The following TEX9 variants were observed in gnomAD, a reference collection of about 807,000 sequenced individuals.
TEX9 encodes testis expressed 9.
TEX9 carries 74 observed loss-of-function variants against 59.6 expected under a neutral mutation model. The ratio of observed to expected loss-of-function variants is 1.24; its 90% CI spans 1.03 to 1.51. The LOEUF is 1.51. TEX9 is among the 40% of genes most tolerant of loss of function. The pLI is 0.00. For missense variants in TEX9, 522 were observed against 447.8 expected (o/e 1.17, Z -1.49); for synonymous variants, 186 against 152.2 (o/e 1.22, Z -1.64).
intron 12 of TEX9, among the ~76,000 whole-genome samples, chr15:56,433,255 C>CG (rs572493916): frequency 1.4e-4 from 2 of 14,008 alleles, no homozygotes; most frequent in Non-Finnish European, 1.6e-4. Context: ...CAGGGCCTGT[C>CG]GGGGGGTGGG....
intron 1 of TEX9, among the ~76,000 whole-genome samples, chr15:56,332,100 C>T (rs1408253821): frequency 1.6e-5 from 2 of 128,726 alleles, no homozygotes; most frequent in African/African-American, 5.8e-5. Context: ...TACCATTTGA[C>T]CCAGCCATCC....
At chr15:56,339,405 A>AAAAAAAAAAAAAAAAG (rs1567091424) in intron 1 of TEX9, among the ~76,000 whole-genome samples, 1 of 115,694 alleles carries the variant, frequency 8.6e-6, no homozygotes, top group Admixed American at 9.8e-5. Flanking sequence ...AAAAAAAAAA[A>AAAAAAAAAAAAAAAAG]AAAAAAAAAC....
intron 11 of TEX9, 93 bp from the exon 12 acceptor site, chr15:56,428,274 C>A: frequency 2.4e-6 from 2 of 844,442 alleles, no homozygotes; most frequent in Non-Finnish European, 3.9e-6. Flanking sequence ...TATATTCTGA[C>A]AATATATTAT....
At chr15:56,357,644 T>C (rs1345082766) in intron 1 of TEX9, among the ~76,000 whole-genome samples, 2 of 152,158 alleles carry the variant, frequency 1.3e-5, no homozygotes, top group Non-Finnish European at 2.9e-5. Context: ...TTTTCAGATA[T>C]GTTATGGTTT....
rs149459449 is a variant in TEX9, at chr15:56,416,533, C to G, written c.963+4097C>G. On this transcript the variant is annotated intron_variant, in intron 10 of 12. Coordinates refer to ENST00000352903, the Ensembl canonical transcript of TEX9. ...CATTTATTGATTTATACATGTTGAA[C>G]CAACCCTGTATCCCAGGAATGAAGT... Among the ~76,000 whole-genome samples, 141 of 152,002 alleles carry G rather than the reference C, an allele frequency of 9.3e-4. 3 individuals are homozygous for G. The highest frequency in any genetic ancestry group is 3.2e-3 in the African/African-American group (134 of 41,292).
chr15:56,297,785 G>A (rs1374510970), intron 1 of TEX9, among the ~76,000 whole-genome samples: 1 of 152,202 alleles, frequency 6.6e-6, no homozygotes, highest in African/African-American at 2.4e-5. Flanking sequence ...GGTAACAGGC[G>A]TGAGCCACCG....
intron 1 of TEX9, among the ~76,000 whole-genome samples, chr15:56,244,696 C>G (rs2141264232): frequency 6.6e-6 from 1 of 151,890 alleles, no homozygotes. Flanking sequence ...CAGCCAAGGC[C>G]ACTGCCTGCC....
chr15:56,383,178 A>C (rs2047810103), intron 3 of TEX9, among the ~76,000 whole-genome samples: 1 of 152,206 alleles, frequency 6.6e-6, no homozygotes, highest in Non-Finnish European at 1.5e-5. Flanking sequence ...CTGACAGGGC[A>C]GCACTGAGTT....
At chr15:56,252,127 T>C (rs2044036271) in intron 1 of TEX9, among the ~76,000 whole-genome samples, 1 of 152,172 alleles carries the variant, frequency 6.6e-6, no homozygotes, top group Non-Finnish European at 1.5e-5. Flanking sequence ...CAGTTTGTGT[T>C]AGCTGTCTCT....
At chr15:56,334,937 A>C (rs1477378446) in intron 1 of TEX9, among the ~76,000 whole-genome samples, 2 of 152,228 alleles carry the variant, frequency 1.3e-5, no homozygotes, top group Non-Finnish European at 2.9e-5. Context: ...AATGCAAATC[A>C]AAACTATAAT....
chr15:56,279,980 A>G (rs1244198532), intron 1 of TEX9, among the ~76,000 whole-genome samples: 1 of 152,230 alleles, frequency 6.6e-6, no homozygotes, highest in Non-Finnish European at 1.5e-5. Context: ...AGCTTGCAAT[A>G]AGCTGTAGCT....
chr15:56,437,180 C>T (rs62023869), intron 12 of TEX9, among the ~76,000 whole-genome samples: 43,057 of 152,058 alleles, frequency 0.28, 6,821 homozygotes, highest in Middle Eastern at 0.46. Flanking sequence ...AATTTAAGAC[C>T]AATATCCCTG....
At chr15:56,282,419 T>C (rs2044840040) in intron 1 of TEX9, among the ~76,000 whole-genome samples, 1 of 152,166 alleles carries the variant, frequency 6.6e-6, no homozygotes, top group African/African-American at 2.4e-5. Flanking sequence ...CCAAAAGGCA[T>C]ATTCATCAAA....
chr15:56,293,429 T>A (rs1225393098), intron 1 of TEX9, among the ~76,000 whole-genome samples: 1 of 152,138 alleles, frequency 6.6e-6, no homozygotes, highest in East Asian at 1.9e-4. Context: ...GGGGAAGAAT[T>A]CTGACAGACT....
At chr15:56,441,953 T>C (rs545685286) in intron 12 of TEX9, among the ~76,000 whole-genome samples, 8 of 151,566 alleles carry the variant, frequency 5.3e-5, no homozygotes, top group Non-Finnish European at 8.8e-5. Flanking sequence ...CCGGGAGGCA[T>C]AGCTTGCAGT....
intron 10 of TEX9, among the ~76,000 whole-genome samples, chr15:56,415,993 G>A (rs916136349): frequency 7.3e-5 from 11 of 151,558 alleles, no homozygotes; most frequent in Admixed American, 2.0e-4. Context: ...GGCAAGTGGG[G>A]ATGGGATTGC....
chr15:56,446,882 C>G (rs1459301396), downstream of TEX9: 1 of 1,610,688 alleles, frequency 6.2e-7, no homozygotes, highest in Non-Finnish European at 8.5e-7. Context: ...GCAATCTGAG[C>G]TGCCCTTTCT....
At chr15:56,449,245 A>G (rs1169197946), downstream of TEX9, among the ~76,000 whole-genome samples, 1 of 152,138 alleles carries the variant, frequency 6.6e-6, no homozygotes, top group African/African-American at 2.4e-5. Flanking sequence ...TCTCAGTGTC[A>G]GAGGGGAAGT....
intron 4 of TEX9, among the ~76,000 whole-genome samples, chr15:56,387,505 G>C (rs1268827592): frequency 6.6e-6 from 1 of 151,622 alleles, no homozygotes. Context: ...GTATATCTTT[G>C]TATTTAATAT....
Sources: allele counts gnomAD v4.1 joint callset (sites outside exome capture counted in the v4.1 genomes callset), GRCh38; gene constraint gnomAD v4.1.1; transcripts MANE v1.5; gene names NCBI Gene and HGNC (gene_info 2026-07-23, HGNC 2026-07-21).